Variants in SVOPL observed in about 807,000 individuals in gnomAD.
The protein encoded by SVOPL is putative transporter SVOPL.
In SVOPL, 60 loss-of-function variants were observed where a neutral mutation model predicts 61.0. The ratio of observed to expected loss-of-function variants is 0.98; its 90% CI spans 0.80 to 1.22. The LOEUF is 1.22. SVOPL is among the 50% of genes most tolerant of loss of function. SVOPL has a pLI of 0.00. For synonymous variants in SVOPL, 279 were observed against 250.0 expected, an observed-to-expected ratio of 1.12 and a Z score of -1.09; for missense variants, 662 against 643.9, an observed-to-expected ratio of 1.03 and a Z score of -0.30.
intron 5 of SVOPL, chr7:138,662,406 G>A (rs1802038938): frequency 2.0e-6 from 2 of 985,314 alleles, no homozygotes; most frequent in Non-Finnish European, 1.2e-6. Context: ...AAAATTAAGG[G>A]AGACTTGCTC....
chr7:138,608,208 A>G (rs1221023799), intron 14 of SVOPL, among the ~76,000 whole-genome samples: 1 of 152,232 alleles, frequency 6.6e-6, no homozygotes, highest in Admixed American at 6.5e-5. Context: ...TAGCTGTTAC[A>G]TTGAACACAT....
At chr7:138,653,964 G>C (rs974152722) in intron 7 of SVOPL, among the ~76,000 whole-genome samples, 6 of 148,854 alleles carry the variant, frequency 4.0e-5, no homozygotes, top group African/African-American at 9.9e-5. Flanking sequence ...GAAAAGAAAA[G>C]AAAAGAAAAA....
chr7:138,663,415 G>A, intron 4 of SVOPL: 1 of 1,350,358 alleles, frequency 7.4e-7, no homozygotes, highest in South Asian at 1.6e-5. Flanking sequence ...GACGGCTTCG[G>A]CTCCACTCTA....
chr7:138,648,882 T>G, intron 8 of SVOPL, 130 bp downstream of exon 8: 2 of 1,394,052 alleles, frequency 1.4e-6, no homozygotes, highest in Non-Finnish European at 1.9e-6. Flanking sequence ...AGATTGCACC[T>G]CTGCACTGCA....
At chr7:138,597,372 A>C in intron 14 of SVOPL, 1 of 440,542 alleles carries the variant, frequency 2.3e-6, no homozygotes, top group Non-Finnish European at 3.6e-6. Flanking sequence ...TACTTGTCCA[A>C]AGTCACATAC....
Position 138,594,588 on chromosome 7 carries a change from G to A in SVOPL, c.*22C>T. On this transcript the variant is annotated 3_prime_UTR_variant, in exon 16 of 16. Transcript: ENST00000674285. The stretch of plus-strand genomic sequence containing the variant: ...AGATAGAATTCATTTTTCTCATCTG[G>A]TAGACATAGCTTTGCAGGTCTTCAT... The A allele has an allele frequency of 6.3e-7, 1 of 1,593,072 alleles. No individual in the cohort carries two copies.
At chr7:138,676,180 C>T (rs768441198) in intron 3 of SVOPL, among the ~76,000 whole-genome samples, 13 of 152,258 alleles carry the variant, frequency 8.5e-5, no homozygotes, top group African/African-American at 1.7e-4. Flanking sequence ...AAGGAGAAAG[C>T]GGGAGTAGTG....
chr7:138,633,718 T>TACC (rs1800329142), intron 9 of SVOPL, among the ~76,000 whole-genome samples: 3 of 152,204 alleles, frequency 2.0e-5, no homozygotes, highest in African/African-American at 7.2e-5. Flanking sequence ...AAAGTGAGAA[T>TACC]ACCTTACCAA....
intron 14 of SVOPL, among the ~76,000 whole-genome samples, chr7:138,617,126 G>A (rs1427723255): frequency 6.6e-6 from 1 of 151,966 alleles, no homozygotes; most frequent in Non-Finnish European, 1.5e-5. Flanking sequence ...CCTCCACCAC[G>A]CCTGGCCTAA....
At chr7:138,635,660 G>A (rs1301422583) in intron 9 of SVOPL, among the ~76,000 whole-genome samples, 2 of 152,160 alleles carry the variant, frequency 1.3e-5, no homozygotes, top group African/African-American at 2.4e-5. Flanking sequence ...GGATGAACAC[G>A]TGGAGATGGT....
chr7:138,688,935 G>C (rs1373296984), intron 1 of SVOPL: 2 of 528,970 alleles, frequency 3.8e-6, no homozygotes, highest in African/African-American at 3.9e-5. Flanking sequence ...TTAAGATAAA[G>C]TCAGCTCTTC....
intron 12 of SVOPL, among the ~76,000 whole-genome samples, chr7:138,626,291 A>T (rs890831623): frequency 2.6e-5 from 4 of 152,174 alleles, no homozygotes; most frequent in African/African-American, 7.2e-5. Flanking sequence ...TCACATTAGC[A>T]TAACTGCTGG....
At chr7:138,695,356 A>G (rs1803042893) in intron 1 of SVOPL, among the ~76,000 whole-genome samples, 1 of 152,014 alleles carries the variant, frequency 6.6e-6, no homozygotes, top group Admixed American at 6.6e-5. Flanking sequence ...TACCTCAAAT[A>G]CAGAAATTCA....
At chr7:138,664,596 C>G (rs1311223458) in intron 4 of SVOPL, among the ~76,000 whole-genome samples, 1 of 148,854 alleles carries the variant, frequency 6.7e-6, no homozygotes, top group African/African-American at 2.5e-5. Context: ...CTCCATCGGG[C>G]ACGCCCCTGA....
chr7:138,616,028 T>TC (rs1209375666), intron 14 of SVOPL, among the ~76,000 whole-genome samples: 1 of 152,068 alleles, frequency 6.6e-6, no homozygotes, highest in African/African-American at 2.4e-5. Flanking sequence ...AAAAACTCTT[T>TC]CCCCTCTTTC....
chr7:138,603,883 T>C (rs1377843927), intron 14 of SVOPL, among the ~76,000 whole-genome samples: 1 of 152,076 alleles, frequency 6.6e-6, no homozygotes, highest in East Asian at 1.9e-4. Context: ...CACTCCCAAC[T>C]TTGTGGTCAT....
chr7:138,695,552 G>A lies in SVOPL; in HGVS notation c.-35+5626C>T, dbSNP rs183576306. Among the ~76,000 whole-genome samples, 288 of 152,234 alleles carry A rather than the reference G, an allele frequency of 1.9e-3. 2 individuals carry two copies. The highest frequency in any genetic ancestry group is 6.2e-3 in the African/African-American group (259 of 41,546). ...AATATTCAGGTATGACAAATATGGC[G>A]ATAAGGTTAGTGAAGGATGCTCTGG... On this transcript the variant is annotated intron_variant, in intron 1 of 15. Transcript: ENST00000674285.
At chr7:138,608,696 C>T (rs546526121) in intron 14 of SVOPL, among the ~76,000 whole-genome samples, 4 of 152,068 alleles carry the variant, frequency 2.6e-5, no homozygotes, top group African/African-American at 9.7e-5. Flanking sequence ...ACACTCCCCC[C>T]CCTTGCCCTC....
intron 5 of SVOPL, chr7:138,661,418 T>C: frequency 1.0e-6 from 1 of 985,186 alleles, no homozygotes; most frequent in Non-Finnish European, 1.2e-6. Context: ...CTCAGAACAG[T>C]CTGAGGAATG....
Sources: allele counts gnomAD v4.1 joint callset (sites outside exome capture counted in the v4.1 genomes callset), GRCh38; gene constraint gnomAD v4.1.1; transcripts MANE v1.5; gene names NCBI Gene and HGNC (gene_info 2026-07-23, HGNC 2026-07-21).